SMYD3: variants seen among roughly 807,000 people sequenced by gnomAD.
The protein encoded by SMYD3 is SET and MYND domain containing 3.
SMYD3 carries 36 observed loss-of-function variants against 57.7 expected under a neutral mutation model. The ratio of observed to expected loss-of-function variants is 0.62; its 90% CI spans 0.48 to 0.82. SMYD3 has a LOEUF of 0.82. Among genes scored for constraint, SMYD3 ranks in the 40% least tolerant of loss-of-function variants. SMYD3 has a pLI of 0.00. For synonymous variants in SMYD3, 211 were observed against 195.0 expected (o/e 1.08, Z -0.68); for missense variants, 515 against 538.8 (o/e 0.96, Z 0.44).
chr1:246,236,557 G>C (rs2063515038), intron 5 of SMYD3, among the ~76,000 whole-genome samples: 1 of 152,188 alleles, frequency 6.6e-6, no homozygotes. Flanking sequence ...TGGGACTACA[G>C]AGGCCTGCCA....
chr1:246,423,522 A>T (rs1399570762), intron 1 of SMYD3, among the ~76,000 whole-genome samples: 1 of 151,722 alleles, frequency 6.6e-6, no homozygotes, highest in East Asian at 2.0e-4. Flanking sequence ...GAAGCATAAC[A>T]AGACCCTACC....
At chr1:245,880,766 C>A (rs1400719023) in intron 8 of SMYD3, among the ~76,000 whole-genome samples, 1 of 152,186 alleles carries the variant, frequency 6.6e-6, no homozygotes, top group Non-Finnish European at 1.5e-5. Flanking sequence ...TACTTGAAGA[C>A]TGGTAGGTGG....
intron 5 of SMYD3, among the ~76,000 whole-genome samples, chr1:246,221,690 T>C (rs550203660): frequency 2.0e-5 from 3 of 152,294 alleles, no homozygotes; most frequent in South Asian, 2.1e-4. Context: ...GCCCACACCA[T>C]AGCAGCAGCT....
chr1:246,039,863 C>T (rs1042502814), intron 5 of SMYD3, among the ~76,000 whole-genome samples: 28 of 152,130 alleles, frequency 1.8e-4, no homozygotes, highest in African/African-American at 5.1e-4. Flanking sequence ...AGACCAGGCC[C>T]AATAGTTCTC....
chr1:245,798,227 C>CA (rs2148220993), intron 10 of SMYD3, among the ~76,000 whole-genome samples: 1 of 151,988 alleles, frequency 6.6e-6, no homozygotes, highest in South Asian at 2.1e-4. Flanking sequence ...CGCCATCACC[C>CA]AGTAGTGCCT....
intron 6 of SMYD3, among the ~76,000 whole-genome samples, chr1:245,929,637 G>C (rs116066211): frequency 6.6e-6 from 1 of 152,220 alleles, no homozygotes; most frequent in Non-Finnish European, 1.5e-5. Context: ...CTGAGAACAA[G>C]AGTTTAGTTC....
At chr1:246,210,409 A>T (rs1036892095) in intron 5 of SMYD3, among the ~76,000 whole-genome samples, 3 of 152,164 alleles carry the variant, frequency 2.0e-5, no homozygotes, top group Non-Finnish European at 4.4e-5. Context: ...GAAAACTAAC[A>T]GTACTTCTGA....
intron 11 of SMYD3, among the ~76,000 whole-genome samples, chr1:245,756,017 T>A (rs1022947616): frequency 6.6e-6 from 1 of 150,802 alleles, no homozygotes; most frequent in Non-Finnish European, 1.5e-5. Context: ...GTTAAACTTT[T>A]TTTTAGAATT....
chr1:246,462,819 C>A (rs1417081277), intron 1 of SMYD3, among the ~76,000 whole-genome samples: 1 of 152,008 alleles, frequency 6.6e-6, no homozygotes, highest in Non-Finnish European at 1.5e-5. Context: ...AAATGAGATA[C>A]ATACTATACA....
chr1:246,045,744 C>T (rs2059952420), intron 5 of SMYD3, among the ~76,000 whole-genome samples: 2 of 152,248 alleles, frequency 1.3e-5, no homozygotes, highest in South Asian at 4.1e-4. Context: ...TGACAAAGGG[C>T]TAATATCCAG....
At chr1:246,337,556 A>G (rs1244446844) in intron 2 of SMYD3, among the ~76,000 whole-genome samples, 1 of 152,182 alleles carries the variant, frequency 6.6e-6, no homozygotes, top group Non-Finnish European at 1.5e-5. Context: ...ATAGAAGTTG[A>G]GAAACCTGTC....
chr1:246,002,926 C>G (rs1397439468), intron 5 of SMYD3, among the ~76,000 whole-genome samples: 1 of 152,184 alleles, frequency 6.6e-6, no homozygotes, highest in African/African-American at 2.4e-5. Flanking sequence ...CCTCCTCTTA[C>G]AGTAGTTCCC....
At chr1:245,984,486 C>T (rs1281570313) in intron 5 of SMYD3, among the ~76,000 whole-genome samples, 1 of 152,230 alleles carries the variant, frequency 6.6e-6, no homozygotes. Context: ...CTGGATCCCA[C>T]TGTTCCTCTT....
intron 5 of SMYD3, among the ~76,000 whole-genome samples, chr1:246,061,865 T>A (rs1050996871): frequency 6.6e-6 from 1 of 152,198 alleles, no homozygotes. Flanking sequence ...AAGACGTGCA[T>A]TGCCTGATCA....
chr1:246,375,608 C>T (rs1162429597), intron 1 of SMYD3, among the ~76,000 whole-genome samples: 1 of 152,190 alleles, frequency 6.6e-6, no homozygotes, highest in Non-Finnish European at 1.5e-5. Context: ...CTTACATATG[C>T]TGCTTATTTT....
chr1:246,490,901 A>C (rs1183046144), intron 1 of SMYD3, among the ~76,000 whole-genome samples: 3 of 152,202 alleles, frequency 2.0e-5, no homozygotes, highest in African/African-American at 7.2e-5. Context: ...TAAAAAGATC[A>C]ATCAATGAGA....
chr1:245,999,276 C>A (rs543181526), intron 5 of SMYD3, among the ~76,000 whole-genome samples: 1 of 151,706 alleles, frequency 6.6e-6, no homozygotes, highest in African/African-American at 2.4e-5. Context: ...TTGCAAAAAG[C>A]ACACAGAATA....
intron 1 of SMYD3, among the ~76,000 whole-genome samples, chr1:246,369,766 A>T (rs2066164235): frequency 6.6e-6 from 1 of 151,996 alleles, no homozygotes; most frequent in Non-Finnish European, 1.5e-5. Flanking sequence ...GGACTCAAGC[A>T]ATCCTCCCAC....
Position 246,422,041 on chromosome 1 carries a change from T to C in SMYD3, c.165-66947A>G, listed in dbSNP as rs1381712897. Among the ~76,000 whole-genome samples the C allele has an allele frequency of 2.0e-5, 3 of 152,162 alleles. 1 individual carries two copies. Among genetic ancestry groups the C allele is most frequent in the Non-Finnish European group, 4.4e-5 (3 of 68,024 alleles). ...ACCAAAAGTAATATTATACCAGCTA[T>C]CTAGACATCCCTTAGCCCAGTTAAC... On this transcript the variant is annotated intron_variant, in intron 1 of 11. Coordinates refer to ENST00000490107, the MANE Select transcript of SMYD3 (RefSeq NM_001167740.2).
Sources: allele counts gnomAD v4.1 joint callset (sites outside exome capture counted in the v4.1 genomes callset), GRCh38; gene constraint gnomAD v4.1.1; transcripts MANE v1.5; gene names NCBI Gene and HGNC (gene_info 2026-07-23, HGNC 2026-07-21).